The following TGFBR3 variants were observed in gnomAD, a reference collection of about 807,000 sequenced individuals.
TGFBR3 encodes transforming growth factor beta receptor 3.
A neutral mutation model predicts 87.9 loss-of-function variants in TGFBR3; 46 were observed. The observed-to-expected ratio is 0.52, with a 90% CI of 0.41 to 0.67. TGFBR3 has a LOEUF of 0.67. Ranked by LOEUF, TGFBR3 falls within the 30% of genes least tolerant of loss-of-function variation. The pLI is 0.00. For synonymous variants in TGFBR3, 381 were observed against 391.6 expected (o/e 0.97, Z 0.32); for missense variants, 866 against 1,041.9 (o/e 0.83, Z 2.32).
At chr1:91,765,326 G>A (rs530740797) in intron 3 of TGFBR3, among the ~76,000 whole-genome samples, 2 of 150,602 alleles carry the variant, frequency 1.3e-5, no homozygotes, top group African/African-American at 2.5e-5. Context: ...AAGAAGGAAC[G>A]AACAAAAGTT....
intron 2 of TGFBR3, among the ~76,000 whole-genome samples, chr1:91,804,419 C>G (rs1675758366): frequency 6.6e-6 from 1 of 152,204 alleles, no homozygotes; most frequent in African/African-American, 2.4e-5. Flanking sequence ...ACTTCTGGGT[C>G]AGGCCCTAGC....
At chr1:91,897,219 C>T (rs1198625847) in intron 2 of TGFBR3, among the ~76,000 whole-genome samples, 1 of 152,182 alleles carries the variant, frequency 6.6e-6, no homozygotes, top group Non-Finnish European at 1.5e-5. Context: ...AGGTATTGTA[C>T]TGTCAAATGT....
intron 3 of TGFBR3, among the ~76,000 whole-genome samples, chr1:91,789,434 A>G (rs1675104436): frequency 6.6e-6 from 1 of 152,208 alleles, no homozygotes; most frequent in Admixed American, 6.5e-5. Flanking sequence ...GCCGAGTCCA[A>G]CCAGGCTCAG....
intron 5 of TGFBR3, among the ~76,000 whole-genome samples, chr1:91,733,620 G>T: frequency 6.6e-6 from 1 of 152,210 alleles, no homozygotes; most frequent in Non-Finnish European, 1.5e-5. Flanking sequence ...GCAGCTGGAT[G>T]CTGAAGACCT....
chr1:91,901,130 G>A (rs775035050), intron 1 of TGFBR3, among the ~76,000 whole-genome samples: 1 of 152,174 alleles, frequency 6.6e-6, no homozygotes, highest in Non-Finnish European at 1.5e-5. Flanking sequence ...AAGGGTTCCA[G>A]TGCCTCCATG....
chr1:91,832,941 G>C (rs1382410165), intron 2 of TGFBR3, among the ~76,000 whole-genome samples: 2 of 151,400 alleles, frequency 1.3e-5, no homozygotes, highest in African/African-American at 4.9e-5. Flanking sequence ...CCGGGAGGTG[G>C]AGGTTGCAGT....
At position 91,722,193 on chromosome 1, in the gene TGFBR3, C is replaced by T. The variant is rs750884395; in HGVS notation, c.886-49G>A. On this transcript the variant is annotated intron_variant, in intron 7 of 16. Coordinates refer to ENST00000212355, the MANE Select transcript of TGFBR3 (RefSeq NM_003243.5). ...CTCATGAGTCTAAAATTAAACAGTACTTTAGATAATAAAAATTAAATATCT... is the reference window on the plus strand; with the variant it reads ...CTCATGAGTCTAAAATTAAACAGTATTTTAGATAATAAAAATTAAATATCT... 7 of 1,414,418 alleles carry T rather than the reference C, an allele frequency of 4.9e-6. No homozygotes were observed. The East Asian group carries it at 1.4e-4, about 29-fold the overall frequency. The allele number at this position is 1,414,418 out of a possible 1,614,324, so 87.6% of individuals were successfully genotyped here.
At chr1:91,884,699 A>T (rs991332856) in intron 1 of TGFBR3, among the ~76,000 whole-genome samples, 24 of 152,362 alleles carry the variant, frequency 1.6e-4, no homozygotes, top group Non-Finnish European at 2.6e-4. Context: ...CTTTTCCCAT[A>T]GAGATGCTGT....
chr1:91,852,473 A>C (rs1311985550), intron 2 of TGFBR3, among the ~76,000 whole-genome samples: 1 of 152,166 alleles, frequency 6.6e-6, no homozygotes, highest in Non-Finnish European at 1.5e-5. Context: ...TCTAATGGAG[A>C]AGGTAGGTGG....
At chr1:91,790,359 G>A (rs967403153) in intron 3 of TGFBR3, among the ~76,000 whole-genome samples, 1 of 152,204 alleles carries the variant, frequency 6.6e-6, no homozygotes, top group Admixed American at 6.5e-5. Flanking sequence ...GAGGTGCGTA[G>A]TAGGACATAC....
At chr1:91,708,175 T>C (rs1203386709) in intron 14 of TGFBR3, among the ~76,000 whole-genome samples, 2 of 152,202 alleles carry the variant, frequency 1.3e-5, no homozygotes, top group Non-Finnish European at 2.9e-5. Flanking sequence ...TTAAGATGCA[T>C]TTGGGCAGTG....
At chr1:91,853,505 A>G (rs1010750164) in intron 2 of TGFBR3, among the ~76,000 whole-genome samples, 4 of 152,148 alleles carry the variant, frequency 2.6e-5, no homozygotes, top group Non-Finnish European at 4.4e-5. Flanking sequence ...CTCACATCCA[A>G]GATTTCTCTT....
At position 91,722,144 on chromosome 1, in the gene TGFBR3, C is replaced by T. The variant is rs140100898; in HGVS notation, c.886G>A (p.Ala296Thr). Residue 296 changes from alanine to threonine, a missense_variant and splice_region_variant, in exon 8 of 17, where the codon GCT (alanine) becomes ACT (threonine). Transcript: ENST00000212355. Reference protein sequence around the residue: ...FDVKGSLKIIAPNSIGFGKES... With the variant: ...FDVKGSLKIITPNSIGFGKES... Reference sequence around the variant, plus strand: ...TTTCCAAAGCCAATACTGTTAGGAGCCTGAAGATATAGCAAAAAAATCACT... The same window carrying T: ...TTTCCAAAGCCAATACTGTTAGGAGTCTGAAGATATAGCAAAAAAATCACT... The T allele has an allele frequency of 6.2e-7, 1 of 1,613,132 alleles. No homozygotes were observed. Among genetic ancestry groups the T allele is most frequent in the South Asian group, 1.1e-5 (1 of 90,984 alleles).
rs1400472431 is a variant in TGFBR3, at chr1:91,681,119, TACA to T, written c.*2617_*2619del. 4 of 454,004 alleles carry T rather than the reference TACA, an allele frequency of 8.8e-6. No homozygotes were observed. Among genetic ancestry groups the T allele is most frequent in the Non-Finnish European group, 1.8e-5 (4 of 226,788 alleles). The allele number at this position is 454,004 out of a possible 1,614,324, so 28.1% of individuals were successfully genotyped here. ...TGCAGATACAAGAGTTCAGCTGAAA[TACA>T]ACAATACTTTTAAAGAAACTTGTAG... On this transcript the variant is annotated 3_prime_UTR_variant, in exon 17 of 17. Transcript: ENST00000212355.
At chr1:91,774,841 G>C (rs1340478684) in intron 3 of TGFBR3, among the ~76,000 whole-genome samples, 4 of 152,174 alleles carry the variant, frequency 2.6e-5, no homozygotes, top group African/African-American at 4.8e-5. Context: ...CAAAGGAATA[G>C]AGAAAAGAGT....
intron 16 of TGFBR3, among the ~76,000 whole-genome samples, chr1:91,688,823 A>T (rs1671179964): frequency 6.6e-6 from 1 of 152,020 alleles, no homozygotes; most frequent in South Asian, 2.1e-4. Context: ...ATGTGTTCAG[A>T]GGCCTGAGGT....
At chr1:91,716,098 G>C (rs2100770561) in intron 12 of TGFBR3, 138 bp downstream of exon 12, 3 of 1,047,586 alleles carry the variant, frequency 2.9e-6, no homozygotes, top group Non-Finnish European at 4.3e-6. Flanking sequence ...AGCGTTCTCT[G>C]AGCCAATCCC....
intron 2 of TGFBR3, among the ~76,000 whole-genome samples, chr1:91,812,852 G>A (rs1676077724): frequency 6.6e-6 from 1 of 152,134 alleles, no homozygotes; most frequent in Non-Finnish European, 1.5e-5. Flanking sequence ...GACCTCAGGT[G>A]ATTTGTCCAT....
chr1:91,788,205 C>T (rs1675044418), intron 3 of TGFBR3, among the ~76,000 whole-genome samples: 1 of 152,190 alleles, frequency 6.6e-6, no homozygotes, highest in Admixed American at 6.5e-5. Flanking sequence ...GAACATGTCA[C>T]CGCTACACCC....
Sources: allele counts gnomAD v4.1 joint callset (sites outside exome capture counted in the v4.1 genomes callset), GRCh38; gene constraint gnomAD v4.1.1; transcripts MANE v1.5; gene names NCBI Gene and HGNC (gene_info 2026-07-23, HGNC 2026-07-21).